SCAMP2: variants seen among roughly 807,000 people sequenced by gnomAD.
The protein encoded by SCAMP2 is secretory carrier-associated membrane protein 2.
Under a neutral mutation model 44.1 loss-of-function variants are expected in SCAMP2, and 25 were observed. The observed-to-expected ratio is 0.57, with a 90% CI of 0.41 to 0.79. The LOEUF (loss-of-function observed/expected upper bound fraction) is 0.79, where lower values mean the gene tolerates loss of function less well. SCAMP2 is among the 30% of genes least tolerant of loss of function. SCAMP2 has a pLI of 0.00. For missense variants in SCAMP2, 355 were observed against 411.0 expected (o/e 0.86, Z 1.18); for synonymous variants, 156 against 166.0 (o/e 0.94, Z 0.46).
At position 74,854,108 on chromosome 15, in the gene SCAMP2, C is replaced by T. The variant is rs781174592; in HGVS notation, c.138G>A (p.Ala46=). Residue 46 remains alanine, a synonymous_variant, in exon 3 of 9, where the codon GCG becomes GCA. Transcript: ENST00000268099. ...EFNPFSETNA[A]TTVPVTQLPG... is the part of the protein sequence containing the mutation. Reference sequence around the variant, plus strand: ...GGAGTTGGGTGACAGGAACTGTTGTCGCTGCATTTGTCTACATGGAACAAA... The same window carrying T: ...GGAGTTGGGTGACAGGAACTGTTGTTGCTGCATTTGTCTACATGGAACAAA... 8.7e-5 allele frequency: 141 copies of T among 1,613,924 alleles called. 1 individual carries two copies. The highest frequency in any genetic ancestry group is 2.0e-4 in the East Asian group (9 of 44,892).
At chr15:74,849,168 TATAATAAGTAAAATCTCTA>T (rs2064418523) in intron 6 of SCAMP2, among the ~76,000 whole-genome samples, 1 of 152,196 alleles carries the variant, frequency 6.6e-6, no homozygotes, top group South Asian at 2.1e-4. Flanking sequence ...TAAATCTCTA[TATAATAAGTAAAATCTCTA>T]ATAATAAGTA....
chr15:74,869,781 T>C (rs1205817379), intron 1 of SCAMP2, among the ~76,000 whole-genome samples: 1 of 151,622 alleles, frequency 6.6e-6, no homozygotes, highest in African/African-American at 2.4e-5. Flanking sequence ...ATGACGGAAA[T>C]AAAAACGACT....
rs919234712 is a variant in SCAMP2 at position 74,845,004 on chromosome 15, C to A, written c.*79G>T. ...CCAGGTCTGTGCTGGGCACAACCACCACCACATAAGGCACCCACGGAAAGT... is the reference window on the plus strand; with the variant it reads ...CCAGGTCTGTGCTGGGCACAACCACAACCACATAAGGCACCCACGGAAAGT... On this transcript the variant is annotated 3_prime_UTR_variant, in exon 9 of 9. Coordinates refer to ENST00000268099, the MANE Select transcript of SCAMP2 (RefSeq NM_005697.5). The A allele has an allele frequency of 5.3e-6, 8 of 1,516,278 alleles. No individual in the cohort carries two copies. In the Admixed American group the frequency reaches 5.6e-5, roughly 11 times the overall value. 93.9% of individuals were successfully genotyped at this position (1,516,278 alleles called of 1,614,324 possible).
Position 74,844,833 on chromosome 15 carries a change from CAAAAG to C in SCAMP2, c.*245_*249del. On this transcript the variant is annotated 3_prime_UTR_variant, in exon 9 of 9. Coordinates refer to ENST00000268099, the MANE Select transcript of SCAMP2 (RefSeq NM_005697.5). ...ACTTCAGTCCCACTGCTTCCAGAGACAAAAGAATCCTACCAAACCATCACCAGAGA... is the reference window on the plus strand; with the variant it reads ...ACTTCAGTCCCACTGCTTCCAGAGACAATCCTACCAAACCATCACCAGAGA... The C allele has an allele frequency of 2.2e-6, 1 of 447,824 alleles. No homozygotes were observed. Among genetic ancestry groups the C allele is most frequent in the South Asian group, 2.9e-5 (1 of 34,088 alleles). 27.7% of individuals were successfully genotyped at this position (447,824 alleles called of 1,614,324 possible). A position where few individuals can be genotyped will look rare whatever the true frequency, so the allele number is the denominator to read the frequency against.
intron 1 of SCAMP2, among the ~76,000 whole-genome samples, chr15:74,862,407 C>T (rs533022876): frequency 1.3e-5 from 2 of 151,862 alleles, no homozygotes; most frequent in East Asian, 3.9e-4. Flanking sequence ...TGAAACCTCT[C>T]ACTACTAAAA....
rs981964491 is a variant in SCAMP2 at position 74,862,431 on chromosome 15, C to T, written c.58-7782G>A. Among the ~76,000 whole-genome samples the T allele has an allele frequency of 4.0e-5, 6 of 151,826 alleles. No homozygotes were observed. The East Asian group carries it at 9.7e-4, about 24-fold the overall frequency. On this transcript the variant is annotated intron_variant, in intron 1 of 8. Transcript: ENST00000268099. ...TCACTACTAAAAATGCAAAAATTAG[C>T]AGGGCACGGTGGTGCATGCCTCTAA...
chr15:74,868,864 AAAAC>A (rs2064558835), intron 1 of SCAMP2, among the ~76,000 whole-genome samples: 1 of 152,318 alleles, frequency 6.6e-6, no homozygotes, highest in Admixed American at 6.5e-5. Context: ...AATCTTTGAA[AAAAC>A]AAACAGGCTG....
chr15:74,845,036 C>A lies in SCAMP2; in HGVS notation c.*47G>T. 6.3e-7 allele frequency: 1 copy of A among 1,591,780 alleles called. No individual in the cohort carries two copies. Among genetic ancestry groups the A allele is most frequent in the Non-Finnish European group, 8.6e-7 (1 of 1,165,478 alleles). On this transcript the variant is annotated 3_prime_UTR_variant, in exon 9 of 9. Transcript: ENST00000268099. The stretch of plus-strand genomic sequence containing the variant: ...TAAGGCACCCACGGAAAGTGCAGCT[C>A]AGAAGGCAGGCGAGAGAAAGGCTGA...
intron 7 of SCAMP2, among the ~76,000 whole-genome samples, chr15:74,847,585 G>GA (rs935458125): frequency 6.6e-6 from 1 of 152,182 alleles, no homozygotes; most frequent in African/African-American, 2.4e-5. Flanking sequence ...AGGGCAAGGG[G>GA]AGGCAACCTT....
In SCAMP2 at chr15:74,844,902, G is replaced by GTCGCCGTATCATT; in HGVS notation, c.*180_*181insAATGATACGGCGA. 1.6e-6 allele frequency: 1 copy of GTCGCCGTATCATT among 626,850 alleles called. No individual in the cohort carries two copies. Among genetic ancestry groups the GTCGCCGTATCATT allele is most frequent in the Non-Finnish European group, 2.7e-6 (1 of 366,468 alleles). The allele number at this position is 626,850 out of a possible 1,614,324, so 38.8% of individuals were successfully genotyped here. ...TTGTTTTTTTTTGTACATAGAGGGG[G>GTCGCCGTATCATT]AAAAAATTCCCTGTCCCTCCCGTTC... On this transcript the variant is annotated 3_prime_UTR_variant, in exon 9 of 9. Transcript: ENST00000268099.
chr15:74,854,189 C>T (rs2064453581), intron 2 of SCAMP2, 70 bp from the exon 3 acceptor site: 2 of 1,357,796 alleles, frequency 1.5e-6, no homozygotes, highest in East Asian at 4.6e-5. Context: ...GGCAAACCCA[C>T]AGCAGGATGA....
intron 1 of SCAMP2, among the ~76,000 whole-genome samples, chr15:74,859,514 G>A (rs552487677): frequency 3.9e-4 from 59 of 152,238 alleles, no homozygotes; most frequent in Middle Eastern, 6.8e-3. Context: ...CCACTGCAAG[G>A]CAGGGGGGCA....
chr15:74,864,842 T>G (rs2064531462), intron 1 of SCAMP2, among the ~76,000 whole-genome samples: 1 of 151,702 alleles, frequency 6.6e-6, no homozygotes, highest in Non-Finnish European at 1.5e-5. Context: ...ATCCCAGCAC[T>G]TTGGGAGGGT....
At chr15:74,858,903 G>T (rs1003960193) in intron 1 of SCAMP2, among the ~76,000 whole-genome samples, 1 of 149,774 alleles carries the variant, frequency 6.7e-6, no homozygotes, top group Non-Finnish European at 1.5e-5. Flanking sequence ...AGCTCTCCCG[G>T]GTTCACACCA....
At chr15:74,851,219 C>T in intron 5 of SCAMP2, 134 bp downstream of exon 5, 2 of 1,074,362 alleles carry the variant, frequency 1.9e-6, no homozygotes, top group Non-Finnish European at 2.7e-6. Context: ...ATCTCCCCAA[C>T]CCAGCCCAGG....
At chr15:74,865,349 C>T (rs1283579993) in intron 1 of SCAMP2, among the ~76,000 whole-genome samples, 2 of 149,178 alleles carry the variant, frequency 1.3e-5, no homozygotes, top group Non-Finnish European at 3.0e-5. Context: ...CCACTGCACT[C>T]CAGCCTGGGC....
Position 74,850,701 on chromosome 15 carries a change from G to T in SCAMP2, c.473-28C>A. On this transcript the variant is annotated intron_variant, in intron 5 of 8. Transcript: ENST00000268099. ...GGGGAAGGGGACAGGACAGAGTTAT[G>T]ACTTGTGCCACAGTGGCTGAGGGGC... is the stretch of plus-strand genomic sequence containing the variant. The T allele has an allele frequency of 1.9e-6, 3 of 1,612,112 alleles. No homozygotes were observed. The South Asian group carries it at 3.3e-5, about 18-fold the overall frequency.
chr15:74,863,202 G>C (rs145775343), intron 1 of SCAMP2, among the ~76,000 whole-genome samples: 1 of 151,942 alleles, frequency 6.6e-6, no homozygotes, highest in Non-Finnish European at 1.5e-5. Context: ...AAAATTAGCC[G>C]GGTGTGGTGG....
intron 1 of SCAMP2, among the ~76,000 whole-genome samples, chr15:74,856,620 GTC>G (rs1029003665): frequency 1.3e-5 from 2 of 150,698 alleles, no homozygotes; most frequent in Non-Finnish European, 3.0e-5. Context: ...TAGAGACAGG[GTC>G]TCACTCTGTT....
Sources: gnomAD v4.1 joint callset for allele counts (sites outside exome capture counted in the v4.1 genomes callset) on GRCh38, gnomAD v4.1.1 for gene constraint, MANE v1.5 for transcripts, NCBI Gene and HGNC (gene_info 2026-07-23, HGNC 2026-07-21) for gene names.